PEX7: variants seen among roughly 807,000 people sequenced by gnomAD.
PEX7 encodes the protein PTS2 receptor.
PEX7 carries 34 observed loss-of-function variants against 47.5 expected under a neutral mutation model. The observed-to-expected ratio is 0.72, with a 90% CI of 0.54 to 0.95. The LOEUF is 0.95. Among genes scored for constraint, PEX7 ranks in the 40% least tolerant of loss-of-function variants. PEX7 has a pLI of 0.00. For synonymous variants in PEX7, 141 were observed against 148.8 expected, an observed-to-expected ratio of 0.95 and a Z score of 0.38; for missense variants, 394 against 400.3, an observed-to-expected ratio of 0.98 and a Z score of 0.13.
chr6:136,863,710 C>T (rs1307249718), intron 5 of PEX7, among the ~76,000 whole-genome samples: 2 of 152,012 alleles, frequency 1.3e-5, no homozygotes, highest in African/African-American at 4.8e-5. Context: ...GAGCTGGAAA[C>T]CAGCCTGGAC....
intron 3 of PEX7, among the ~76,000 whole-genome samples, chr6:136,840,489 T>G (rs1435959688): frequency 8.2e-6 from 1 of 122,362 alleles, no homozygotes; most frequent in Non-Finnish European, 1.7e-5. Context: ...TCACATAATG[T>G]TGAGCGAAGA....
intron 3 of PEX7, among the ~76,000 whole-genome samples, chr6:136,838,939 T>C (rs1774443796): frequency 6.6e-6 from 1 of 152,166 alleles, no homozygotes; most frequent in African/African-American, 2.4e-5. Context: ...TCCAGCACTT[T>C]GGAAGGCCTA....
At chr6:136,880,140 G>C (rs536834639) in intron 8 of PEX7, among the ~76,000 whole-genome samples, 51 of 151,312 alleles carry the variant, frequency 3.4e-4, no homozygotes, top group African/African-American at 1.1e-3. Context: ...TTTTTTGAGG[G>C]AAGCTTTTGT....
chr6:136,824,112 C>A lies in PEX7; in HGVS notation c.131-1102C>A, dbSNP rs75537048. ...ATACTTGATTTATTTTCATTATTAG[C>A]TCTTAGTGCTTGCACATTCAGATTT... On this transcript the variant is annotated intron_variant, in intron 1 of 9. Coordinates refer to ENST00000318471, the MANE Select transcript of PEX7 (RefSeq NM_000288.4). Among the ~76,000 whole-genome samples, 806 of 152,312 alleles carry A rather than the reference C, an allele frequency of 5.3e-3. 7 individuals carry two copies. The highest frequency in any genetic ancestry group is 0.018 in the African/African-American group (765 of 41,564).
chr6:136,837,101 C>T (rs1774399843), intron 3 of PEX7, among the ~76,000 whole-genome samples: 1 of 152,062 alleles, frequency 6.6e-6, no homozygotes, highest in Non-Finnish European at 1.5e-5. Context: ...GCGCTTACGC[C>T]TGTAATCCCA....
chr6:136,862,287 A>G (rs1774981517), intron 5 of PEX7, among the ~76,000 whole-genome samples: 1 of 150,202 alleles, frequency 6.7e-6, no homozygotes. Flanking sequence ...CATGTTGGCC[A>G]GGCTGGTCTC....
At chr6:136,826,212 A>G in intron 2 of PEX7, 107 bp from the exon 3 acceptor site, 1 of 1,243,216 alleles carries the variant, frequency 8.0e-7, no homozygotes, top group Non-Finnish European at 1.2e-6. Context: ...ACGTGTTAAA[A>G]TGTGTGATAA....
intron 5 of PEX7, among the ~76,000 whole-genome samples, chr6:136,848,309 C>T (rs1774668295): frequency 6.6e-6 from 1 of 152,200 alleles, no homozygotes; most frequent in African/African-American, 2.4e-5. Flanking sequence ...TTGACTTCCT[C>T]TTTTCCTAAT....
intron 5 of PEX7, among the ~76,000 whole-genome samples, chr6:136,852,480 A>G (rs1288282107): frequency 7.9e-5 from 5 of 63,336 alleles, no homozygotes; most frequent in Admixed American, 7.4e-4. Context: ...TACAAAATCA[A>G]TGTACAAAAA....
chr6:136,855,347 C>CTTT (rs34297697), intron 5 of PEX7, among the ~76,000 whole-genome samples: 3 of 140,552 alleles, frequency 2.1e-5, no homozygotes, highest in Non-Finnish European at 3.1e-5. Flanking sequence ...TTTCTTCTTC[C>CTTT]TTTTTTTTTT....
intron 5 of PEX7, among the ~76,000 whole-genome samples, chr6:136,863,273 T>C (rs912002739): frequency 1.3e-5 from 2 of 152,130 alleles, no homozygotes; most frequent in Non-Finnish European, 2.9e-5. Flanking sequence ...GTACCCCCAT[T>C]TGGCCTGTCA....
intron 3 of PEX7, among the ~76,000 whole-genome samples, chr6:136,841,280 A>G (rs949615320): frequency 9.2e-5 from 14 of 152,170 alleles, no homozygotes; most frequent in African/African-American, 3.1e-4. Context: ...CAAACTCAGT[A>G]TATATAAAAT....
intron 3 of PEX7, among the ~76,000 whole-genome samples, chr6:136,842,388 G>A (rs1348405416): frequency 6.6e-6 from 1 of 152,196 alleles, no homozygotes; most frequent in East Asian, 1.9e-4. Flanking sequence ...CTACTTGGTT[G>A]TGCAACAGAA....
At chr6:136,845,251 C>T (rs979326788) in intron 3 of PEX7, among the ~76,000 whole-genome samples, 3 of 152,136 alleles carry the variant, frequency 2.0e-5, no homozygotes, top group African/African-American at 7.2e-5. Context: ...AAACATTGAC[C>T]CAGCAAGCTT....
Position 136,869,892 on chromosome 6 carries a change from T to C in PEX7, c.636T>C (p.Asn212=), listed in dbSNP as rs2115224289. The C allele has an allele frequency of 6.2e-7, 1 of 1,611,812 alleles. No individual in the cohort carries two copies. Among genetic ancestry groups the C allele is most frequent in the Non-Finnish European group, 8.5e-7 (1 of 1,177,914 alleles). ...ATGTTTCTCTGAATTGTTTTTAGAA[T>C]TTGCTGGTGACCGGGGCGGTTGACT... The part of the protein sequence containing the change: ...LSCDWCKYNE[N]LLVTGAVDCS... The change falls in exon 7 of 10, where the codon AAT becomes AAC. Residue 212 remains asparagine, a splice_region_variant and synonymous_variant. Transcript: ENST00000318471.
At chr6:136,836,267 G>C (rs1774383104) in intron 3 of PEX7, among the ~76,000 whole-genome samples, 1 of 151,664 alleles carries the variant, frequency 6.6e-6, no homozygotes, top group African/African-American at 2.4e-5. Flanking sequence ...TTTAACTATA[G>C]CTGTTATATA....
intron 1 of PEX7, chr6:136,823,312 A>T: frequency 2.0e-6 from 2 of 985,448 alleles, no homozygotes; most frequent in Non-Finnish European, 1.2e-6. Flanking sequence ...CCCACGGGTG[A>T]CACCATGAAA....
At position 136,913,793 on chromosome 6, in the gene PEX7, A is replaced by G. The variant is rs1266904984; in HGVS notation, c.*267A>G. On this transcript the variant is annotated 3_prime_UTR_variant, in exon 10 of 10. Coordinates refer to ENST00000318471, the MANE Select transcript of PEX7 (RefSeq NM_000288.4). ...GTATCTATTAAAATGTCTCTGGGTC[A>G]TAAAATGGATTAAAATATGGGAGAT... 2 of 395,778 alleles carry G rather than the reference A, an allele frequency of 5.1e-6. No homozygotes were observed. The highest frequency in any genetic ancestry group is 3.4e-5 in the South Asian group (1 of 29,606). 24.5% of individuals were successfully genotyped at this position (395,778 alleles called of 1,614,324 possible).
intron 3 of PEX7, chr6:136,830,014 A>C (rs1422679004): frequency 1.4e-6 from 1 of 714,688 alleles, no homozygotes; most frequent in Non-Finnish European, 2.6e-6. Flanking sequence ...CAGTATGTTC[A>C]GGGAAGCTGT....
Sources: allele counts gnomAD v4.1 joint callset (sites outside exome capture counted in the v4.1 genomes callset), GRCh38; gene constraint gnomAD v4.1.1; transcripts MANE v1.5; gene names NCBI Gene and HGNC (gene_info 2026-07-23, HGNC 2026-07-21).